The following SCN3B variants were observed in gnomAD, a reference collection of about 807,000 sequenced individuals.
SCN3B encodes sodium voltage-gated channel beta subunit 3.
In SCN3B, 11 loss-of-function variants were observed where a neutral mutation model predicts 25.4. That is an observed-to-expected ratio of 0.43 (90% CI 0.27 to 0.72). The LOEUF (loss-of-function observed/expected upper bound fraction) is 0.72, where lower values mean the gene tolerates loss of function less well. Among genes scored for constraint, SCN3B ranks in the 30% least tolerant of loss-of-function variants. The probability of loss-of-function intolerance (pLI) is 0.18; values close to 1 mark genes in which losing one functional copy is unlikely to be tolerated. For synonymous variants in SCN3B, 109 were observed against 110.7 expected (o/e 0.99, Z 0.09); for missense variants, 218 against 278.3 (o/e 0.78, Z 1.54).
chr11:123,635,625 G>A (rs1955715016), intron 5 of SCN3B, among the ~76,000 whole-genome samples: 1 of 151,984 alleles, frequency 6.6e-6, no homozygotes, highest in African/African-American at 2.4e-5. Flanking sequence ...GGCAGAGCTT[G>A]GAGTGAGCCG....
At chr11:123,639,827 C>T (rs1955767138) in intron 4 of SCN3B, 1 of 152,144 alleles carries the variant, frequency 6.6e-6, no homozygotes, top group Non-Finnish European at 1.5e-5. Context: ...TCAATAAGTA[C>T]TTATTGAATG....
Position 123,629,388 on chromosome 11 carries a change from T to G in SCN3B, c.*4411A>C, listed in dbSNP as rs1344790655. 6.6e-6 allele frequency: 1 copy of G among 152,224 alleles called. No homozygotes were observed. The highest frequency in any genetic ancestry group is 1.5e-5 in the Non-Finnish European group (1 of 68,054). The allele number at this position is 152,224 out of a possible 1,614,324, so 9.4% of individuals were successfully genotyped here. A position where few individuals can be genotyped will look rare whatever the true frequency, so the allele number is the denominator to read the frequency against. On this transcript the variant is annotated 3_prime_UTR_variant, in exon 7 of 7. Coordinates refer to ENST00000299333, the MANE Select transcript of SCN3B (RefSeq NM_001040151.2). ...ACACACACTGCTCAGCAGAGGCAGC[T>G]CTTGCCAAGCCGTGACGCAGGGAGG...
At chr11:123,645,799 G>A (rs1300746287) in intron 2 of SCN3B, 49 bp from the exon 3 acceptor site, 2 of 1,595,538 alleles carry the variant, frequency 1.3e-6, no homozygotes, top group East Asian at 4.5e-5. Flanking sequence ...TGGTGGGGGA[G>A]GGGCACAGGA....
intron 2 of SCN3B, among the ~76,000 whole-genome samples, chr11:123,649,104 G>A (rs370868981): frequency 5.9e-5 from 9 of 152,214 alleles, no homozygotes; most frequent in Admixed American, 1.3e-4. Context: ...ATTGGAAGAC[G>A]ATTTTGTTTT....
At chr11:123,639,681 A>G (rs367939796) in intron 4 of SCN3B, 53 of 152,258 alleles carry the variant, frequency 3.5e-4, no homozygotes, top group African/African-American at 1.2e-3. Flanking sequence ...TCTGGCCTCC[A>G]TGCACTTTTC....
Position 123,649,816 on chromosome 11 carries a change from G to T in SCN3B, c.55+3931C>A, listed in dbSNP as rs535432075. Among the ~76,000 whole-genome samples, 217 of 151,932 alleles carry T rather than the reference G, an allele frequency of 1.4e-3. 1 individual carries two copies. Among genetic ancestry groups the T allele is most frequent in the African/African-American group, 4.5e-3 (186 of 41,416 alleles). Reference sequence around the variant, plus strand: ...CCTCCTGGGTTCAAGCGATTCTCCTGCCTCAGCCCCCTGAGTAGCTGGGAT... The same window carrying T: ...CCTCCTGGGTTCAAGCGATTCTCCTTCCTCAGCCCCCTGAGTAGCTGGGAT... On this transcript the variant is annotated intron_variant, in intron 2 of 6. Transcript: ENST00000299333.
chr11:123,653,719 T>A (rs1216636398), intron 2 of SCN3B, 28 bp downstream of exon 2: 3 of 1,612,106 alleles, frequency 1.9e-6, no homozygotes, highest in African/African-American at 2.7e-5. Flanking sequence ...GTTACCTGCA[T>A]CCGGCATGGC....
In SCN3B at chr11:123,642,642, C is replaced by T. The variant is rs199974089; in HGVS notation, c.249G>A (p.Glu83=). 67 of 1,614,042 alleles carry T rather than the reference C, an allele frequency of 4.2e-5. 1 individual carries two copies. The highest frequency in any genetic ancestry group is 1.1e-5 in the Non-Finnish European group (13 of 1,180,030). Reference sequence around the variant, plus strand: ...GGCGCCCCTGAAAGGGGCTCTCCACCTCCTGGTGGCCATTCCGATACTCGT... The same window carrying T: ...GGCGCCCCTGAAAGGGGCTCTCCACTTCCTGGTGGCCATTCCGATACTCGT... The part of the protein sequence containing the change: ...LIYEYRNGHQ[E]VESPFQGRLQ... Residue 83 remains glutamate, a synonymous_variant, in exon 4 of 7, where the codon GAG becomes GAA. Coordinates refer to ENST00000299333, the MANE Select transcript of SCN3B (RefSeq NM_001040151.2). The surrounding 1 kb of genome is among the most constrained non-coding windows in gnomAD (Gnocchi z 4.3).
At position 123,645,733 on chromosome 11, in the gene SCN3B, C is replaced by G. The variant is rs746954414; in HGVS notation, c.73G>C (p.Val25Leu). Reference sequence around the variant, plus strand: ...GTCTCCGAGGGCACTTCCACACACACAGGGAAGCAGACACTGACTGCAGAG... The same window carrying G: ...GTCTCCGAGGGCACTTCCACACACAGAGGGAAGCAGACACTGACTGCAGAG... ...LIYWVSVCFP[V>L]CVEVPSETEA... Residue 25 changes from valine to leucine, a missense_variant, in exon 3 of 7, where the codon GTG becomes CTG. By Grantham distance (32) the Val-to-Leu change is conservative. Coordinates refer to ENST00000299333, the MANE Select transcript of SCN3B (RefSeq NM_001040151.2). 9 of 1,614,074 alleles carry G rather than the reference C, an allele frequency of 5.6e-6. No individual in the cohort carries two copies. Among genetic ancestry groups the G allele is most frequent in the Non-Finnish European group, 6.8e-6 (8 of 1,180,030 alleles).
At chr11:123,644,788 AGAGAGAGAGAGAATATATATATATAT>A (rs1484316248) in intron 3 of SCN3B, among the ~76,000 whole-genome samples, 9,001 of 104,416 alleles carry the variant, frequency 0.086, 369 homozygotes, top group Non-Finnish European at 0.095. Context: ...AGAGAGAGAG[AGAGAGAGAGAGAATATATATATATAT>A]ATATATATAT....
intron 2 of SCN3B, among the ~76,000 whole-genome samples, chr11:123,648,209 T>C (rs1720340): frequency 0.082 from 12,472 of 152,202 alleles, 532 homozygotes; most frequent in Middle Eastern, 0.11. Flanking sequence ...GACTAAGAAG[T>C]CTCAAGGAAT....
intron 2 of SCN3B, among the ~76,000 whole-genome samples, chr11:123,651,524 C>T (rs756598838): frequency 7.9e-5 from 12 of 152,056 alleles, no homozygotes; most frequent in South Asian, 2.1e-4. Flanking sequence ...CCACTATGCC[C>T]GACTAATTTT....
chr11:123,648,201 C>T (rs1398828478), intron 2 of SCN3B, among the ~76,000 whole-genome samples: 1 of 152,128 alleles, frequency 6.6e-6, no homozygotes, highest in Non-Finnish European at 1.5e-5. Flanking sequence ...CAGAAGTGGA[C>T]TAAGAAGTCT....
intron 2 of SCN3B, among the ~76,000 whole-genome samples, chr11:123,647,802 A>C (rs1378729709): frequency 2.0e-5 from 3 of 152,238 alleles, no homozygotes; most frequent in Non-Finnish European, 4.4e-5. Flanking sequence ...GAGTTTAAAA[A>C]CTAGTGGCAC....
At chr11:123,653,859 C>A in intron 1 of SCN3B, 33 bp from the exon 2 acceptor site, 1 of 1,581,060 alleles carries the variant, frequency 6.3e-7, no homozygotes, top group Non-Finnish European at 8.7e-7. Flanking sequence ...TCAAGGACTG[C>A]GCCCTCTCAG....
chr11:123,652,393 C>T (rs1477249977), intron 2 of SCN3B, among the ~76,000 whole-genome samples: 5 of 152,180 alleles, frequency 3.3e-5, no homozygotes, highest in Admixed American at 6.5e-5. Context: ...CTTCCTAGTC[C>T]GTCTCATCAG....
intron 5 of SCN3B, among the ~76,000 whole-genome samples, chr11:123,637,517 T>C (rs1955742646): frequency 6.6e-6 from 1 of 152,056 alleles, no homozygotes; most frequent in Non-Finnish European, 1.5e-5. Context: ...TTTTTTGTTG[T>C]GTTTTTGGGC....
At chr11:123,644,414 G>C (rs565711978) in intron 3 of SCN3B, among the ~76,000 whole-genome samples, 2 of 152,256 alleles carry the variant, frequency 1.3e-5, no homozygotes, top group South Asian at 4.1e-4. Flanking sequence ...ATCAAACCCA[G>C]GTGGCCTGGC....
rs577244366 is a variant in SCN3B, at chr11:123,654,053, C to A, written c.-26+173G>T. The A allele has an allele frequency of 1.3e-3, 744 of 570,846 alleles. 5 individuals are homozygous for A. Among genetic ancestry groups the A allele is most frequent in the South Asian group, 7.3e-3 (359 of 49,382 alleles). 35.4% of individuals were successfully genotyped at this position (570,846 alleles called of 1,614,324 possible). A position where few individuals can be genotyped will look rare whatever the true frequency, so the allele number is the denominator to read the frequency against. On this transcript the variant is annotated intron_variant, in intron 1 of 6. Coordinates refer to ENST00000299333, the MANE Select transcript of SCN3B (RefSeq NM_001040151.2). ...AGGGAGCCGATCAGCCGCTCCGCGC[C>A]CGCTCTCGCCGGCGCTCAGCACCAC...
Sources: gnomAD v4.1 joint callset for allele counts (sites outside exome capture counted in the v4.1 genomes callset) on GRCh38, gnomAD v4.1.1 for gene constraint, Gnocchi (gnomAD v3.1) non-coding constraint, MANE v1.5 for transcripts, NCBI Gene and HGNC (gene_info 2026-07-23, HGNC 2026-07-21) for gene names.